The following MDN1 variants were observed in gnomAD, a reference collection of about 807,000 sequenced individuals.
MDN1 encodes the protein midasin AAA ATPase 1, also known as midasin.
A neutral mutation model predicts 669.2 loss-of-function variants in MDN1; 266 were observed. The ratio of observed to expected loss-of-function variants is 0.40; its 90% CI spans 0.36 to 0.44. The LOEUF is 0.44. Among genes scored for constraint, MDN1 ranks in the 20% least tolerant of loss-of-function variants. MDN1 has a pLI of 1.00. For synonymous variants in MDN1, 2,385 were observed against 2,457.1 expected, an observed-to-expected ratio of 0.97 and a Z score of 0.87; for missense variants, 5,940 against 6,754.0, an observed-to-expected ratio of 0.88 and a Z score of 4.22.
In MDN1 at chr6:89,700,255, A is replaced by G. The variant is rs781396707; in HGVS notation, c.8678T>C (p.Leu2893Pro). The G allele has an allele frequency of 6.2e-7, 1 of 1,614,200 alleles. No homozygotes were observed. Among genetic ancestry groups the G allele is most frequent in the Non-Finnish European group, 8.5e-7 (1 of 1,180,018 alleles). ...KNFVHAQCLE[L>P]KAKGLSLGFL... is the part of the protein sequence containing the mutation. ...ACCAAGTGAGAGTCCTTTGGCTTTC[A>G]GTTCTAAACACTGAGCATGCACAAA... Residue 2893 changes from leucine to proline, a missense_variant, in exon 57 of 102, where the codon CTG becomes CCG. Around this residue, in one of 5 missense-constraint regions of MDN1, gnomAD observed 2,292 missense variants for 2,638.3 expected, o/e 0.87. Transcript: ENST00000369393.
At chr6:89,670,537 T>C (rs754273814) in intron 83 of MDN1, among the ~76,000 whole-genome samples, 3 of 152,124 alleles carry the variant, frequency 2.0e-5, no homozygotes, top group Non-Finnish European at 2.9e-5. Flanking sequence ...CCAACATGGT[T>C]AAAAGAAAAC....
chr6:89,716,533 T>C (rs1814383701), intron 44 of MDN1, 117 bp downstream of exon 44: 1 of 1,159,122 alleles, frequency 8.6e-7, no homozygotes, highest in Non-Finnish European at 1.2e-6. Flanking sequence ...CTGAGGACGC[T>C]TGCGTAATTA....
At chr6:89,818,807 CAA>C (rs547839111) in intron 1 of MDN1, among the ~76,000 whole-genome samples, 24 of 99,654 alleles carry the variant, frequency 2.4e-4, no homozygotes, top group African/African-American at 6.6e-4. Flanking sequence ...GACTCCGTCT[CAA>C]AAAAAAAAAA....
Position 89,662,186 on chromosome 6 carries a change from G to A in MDN1, c.14466C>T (p.Asn4822=), listed in dbSNP as rs151143553. The A allele has an allele frequency of 5.6e-6, 9 of 1,613,386 alleles. No individual in the cohort carries two copies. Among genetic ancestry groups the A allele is most frequent in the Non-Finnish European group, 5.9e-6 (7 of 1,179,818 alleles). Residue 4822 remains asparagine (N), a synonymous_variant, in exon 87 of 102, where the codon AAC becomes AAT. Coordinates refer to ENST00000369393, the MANE Select transcript of MDN1 (RefSeq NM_014611.3). ...TCTTATCTTGCTGGCTTTTATCTTT[G>A]TTTGAATTGCCACTATCCAAGTTGT... is the stretch of plus-strand genomic sequence containing the variant. The part of the protein sequence containing the change: ...KDDNLDSGNS[N]KDKSQQDKKE...
At chr6:89,728,442 G>A (rs574271028) in intron 36 of MDN1, among the ~76,000 whole-genome samples, 1 of 152,308 alleles carries the variant, frequency 6.6e-6, no homozygotes, top group Non-Finnish European at 1.5e-5. Context: ...AGCATCCAGA[G>A]AGAATTAATA....
chr6:89,790,118 C>T (rs374721459), intron 6 of MDN1, 41 bp downstream of exon 6: 4 of 1,611,642 alleles, frequency 2.5e-6, no homozygotes, highest in African/African-American at 1.3e-5. Context: ...CAAATATTTA[C>T]AAGCATGACA....
chr6:89,729,047 G>C lies in MDN1; in HGVS notation c.5233C>G (p.Leu1745Val). Residue 1745 changes from leucine to valine, a missense_variant, in exon 36 of 102, where the codon CTG becomes GTG. Physicochemically the swap from Leu to Val is conservative, Grantham distance 32 (BLOSUM62 1). Coordinates refer to ENST00000369393, the MANE Select transcript of MDN1 (RefSeq NM_014611.3). Reference protein sequence around the residue: ...NAQRLLRATKLKKPILLEGSP... With the variant: ...NAQRLLRATKVKKPILLEGSP... The stretch of plus-strand genomic sequence containing the variant: ...CCCTCCAGGAGAATGGGCTTCTTCA[G>C]TTTGGTAGCTCTTAAGAGCCTCTGT... 6.2e-7 allele frequency: 1 copy of C among 1,614,122 alleles called. No individual in the cohort carries two copies. The highest frequency in any genetic ancestry group is 8.5e-7 in the Non-Finnish European group (1 of 1,180,010).
chr6:89,806,758 T>G (rs292219), intron 1 of MDN1, among the ~76,000 whole-genome samples: 1 of 150,096 alleles, frequency 6.7e-6, no homozygotes, highest in African/African-American at 2.4e-5. Flanking sequence ...AATTAAAAAA[T>G]TTTTTTTTTT....
At chr6:89,728,120 C>G (rs1380243925) in intron 36 of MDN1, among the ~76,000 whole-genome samples, 165 bp from the exon 37 acceptor site, 2 of 152,032 alleles carry the variant, frequency 1.3e-5, no homozygotes, top group Non-Finnish European at 2.9e-5. Flanking sequence ...ACCAGGAGCC[C>G]AAACATGCCC....
intron 97 of MDN1, 134 bp from the exon 98 acceptor site, chr6:89,648,463 G>A (rs1808627124): frequency 1.3e-6 from 1 of 755,540 alleles, no homozygotes; most frequent in African/African-American, 1.8e-5. Flanking sequence ...CATCAGTAAG[G>A]CTACTATAGT....
intron 71 of MDN1, 76 bp from the exon 72 acceptor site, chr6:89,683,980 G>T: frequency 9.1e-7 from 1 of 1,104,588 alleles, no homozygotes; most frequent in Non-Finnish European, 1.4e-6. Context: ...TTTCTGTTCA[G>T]CAAAGACCAG....
In MDN1 at chr6:89,746,345, G is replaced by A. The variant is rs184760285; in HGVS notation, c.3905-719C>T. 1.2e-4 allele frequency among the ~76,000 whole-genome samples: 18 copies of A among 152,256 alleles called. No individual in the cohort carries two copies. In the East Asian group the frequency reaches 3.3e-3, roughly 28 times the overall value. ...CATGCTTGTAATCCCAGCACTTTGGGAGGCTGAGGTGGGCAGATCACAAGG... is the reference window on the plus strand; with the variant it reads ...CATGCTTGTAATCCCAGCACTTTGGAAGGCTGAGGTGGGCAGATCACAAGG... On this transcript the variant is annotated intron_variant, in intron 27 of 101. Coordinates refer to ENST00000369393, the MANE Select transcript of MDN1 (RefSeq NM_014611.3).
At chr6:89,744,339 G>C (rs553459326) in intron 29 of MDN1, among the ~76,000 whole-genome samples, 6 of 152,234 alleles carry the variant, frequency 3.9e-5, no homozygotes, top group African/African-American at 1.4e-4. Flanking sequence ...CCAACACTTT[G>C]GGAGGCCAAG....
chr6:89,715,679 G>A lies in MDN1; in HGVS notation c.6834C>T (p.Pro2278=). The change falls in exon 45 of 102, where the codon CCC becomes CCT. Residue 2278 remains proline, a synonymous_variant. Coordinates refer to ENST00000369393, the MANE Select transcript of MDN1 (RefSeq NM_014611.3). ...SERGMIDGST[P]TITPNPNFRL... ...TGAAATTGGGATTTGGTGTTATCGT[G>A]GGAGTGGATCCATCTATCATTCCTC... 1.2e-6 allele frequency: 2 copies of A among 1,610,910 alleles called. No individual in the cohort carries two copies. Among genetic ancestry groups the A allele is most frequent in the Non-Finnish European group, 1.7e-6 (2 of 1,177,060 alleles).
rs143737232 is a variant in MDN1 at position 89,658,294 on chromosome 6, C to G, written c.15098G>C (p.Cys5033Ser). ...CATGTTCTCCACACCAGTCTGCCCACAGGAGGCATGCTCCTTCCTCTCCAA... is the reference window on the plus strand; with the variant it reads ...CATGTTCTCCACACCAGTCTGCCCAGAGGAGGCATGCTCCTTCCTCTCCAA... Reference protein sequence around the residue: ...EALERKEHASCGQTGVENMQN... With the variant: ...EALERKEHASSGQTGVENMQN... Residue 5033 changes from cysteine (C) to serine (S), a missense_variant, in exon 90 of 102, where the codon TGT becomes TCT. Around this residue, in one of 5 missense-constraint regions of MDN1, gnomAD observed 2,280 missense variants for 2,576.3 expected, o/e 0.88. Coordinates refer to ENST00000369393, the MANE Select transcript of MDN1 (RefSeq NM_014611.3). 2.8e-4 allele frequency: 449 copies of G among 1,614,116 alleles called. No homozygotes were observed. Among genetic ancestry groups the G allele is most frequent in the Admixed American group, 4.5e-4 (27 of 60,010 alleles).
chr6:89,764,708 G>C (rs930372370), intron 15 of MDN1, among the ~76,000 whole-genome samples: 1 of 152,152 alleles, frequency 6.6e-6, no homozygotes, highest in African/African-American at 2.4e-5. Context: ...TGGGTGCAAG[G>C]AGGCCACACA....
chr6:89,802,900 C>T (rs1434509022), intron 2 of MDN1, among the ~76,000 whole-genome samples: 4 of 152,212 alleles, frequency 2.6e-5, no homozygotes, highest in Non-Finnish European at 5.9e-5. Flanking sequence ...TATACTAATT[C>T]AGATAGATTT....
chr6:89,683,358 A>G, intron 72 of MDN1, 28 bp from the exon 73 acceptor site: 5 of 1,603,186 alleles, frequency 3.1e-6, no homozygotes, highest in Non-Finnish European at 3.4e-6. Flanking sequence ...CAGAGATAAG[A>G]AGAAAAAAAC....
rs760511908 is a variant in MDN1, at chr6:89,650,769, G to T, written c.15994C>A (p.Arg5332Ser). The T allele has an allele frequency of 8.1e-6, 13 of 1,613,966 alleles. No individual in the cohort carries two copies. Among genetic ancestry groups the T allele is most frequent in the Non-Finnish European group, 7.6e-6 (9 of 1,179,988 alleles). The stretch of plus-strand genomic sequence containing the variant: ...GCCTGGGTAGGCTCTAATATGAGAC[G>T]AAGCTCTTCACATAACCGTTGTGAA... ...PLSQRLCEEL[R>S]LILEPTQAAK... Residue 5332 changes from arginine to serine, a missense_variant, in exon 96 of 102, where the codon CGT becomes AGT. Arg to Ser is a moderately radical substitution (Grantham distance 110). Around this residue, in one of 5 missense-constraint regions of MDN1, gnomAD observed 2,280 missense variants for 2,576.3 expected, o/e 0.88. Transcript: ENST00000369393.
Sources: gnomAD v4.1 joint callset for allele counts (sites outside exome capture counted in the v4.1 genomes callset) on GRCh38, gnomAD v4.1.1 for gene constraint, gnomAD v4.1.1 regional missense constraint, MANE v1.5 for transcripts, NCBI Gene and HGNC (gene_info 2026-07-23, HGNC 2026-07-21) for gene names.